The following TRIM65 variants were observed in gnomAD, a reference collection of about 807,000 sequenced individuals.
The protein encoded by TRIM65 is tripartite motif containing 65, also known as E3 ubiquitin-protein ligase TRIM65.
Under a neutral mutation model 36.1 loss-of-function variants are expected in TRIM65, and 46 were observed. That is an observed-to-expected ratio of 1.27 (90% CI 1.01 to 1.63). The LOEUF (loss-of-function observed/expected upper bound fraction) is 1.63. Among genes scored for constraint, TRIM65 ranks in the 40% most tolerant of loss-of-function variants. The probability of loss-of-function intolerance (pLI) is 0.00; values close to 1 mark genes in which losing one functional copy is unlikely to be tolerated. For synonymous variants in TRIM65, 346 were observed against 313.6 expected (o/e 1.10, Z -1.09); for missense variants, 708 against 696.6 (o/e 1.02, Z -0.18).
At chr17:75,895,606 C>T (rs2065334810) in intron 1 of TRIM65, among the ~76,000 whole-genome samples, 1 of 152,212 alleles carries the variant, frequency 6.6e-6, no homozygotes, top group Admixed American at 6.5e-5. Flanking sequence ...CCAGGTCTTT[C>T]TCCTGGCTTG....
chr17:75,880,000 C>A (rs1346621664), downstream of TRIM65, among the ~76,000 whole-genome samples: 4 of 150,558 alleles, frequency 2.7e-5, no homozygotes, highest in Admixed American at 2.6e-4. Context: ...GTGATCCACC[C>A]GCCTCGGCCT....
Position 75,892,750 on chromosome 17 carries a change from C to G in TRIM65, c.510+5G>C. ...ATGGTGGGCGGGCAGGCACAGGCCT[C>G]GTACCTGGATCTGGCTGCTTTGCTT... On this transcript the variant is annotated splice_donor_5th_base_variant and intron_variant, in intron 2 of 5. Coordinates refer to ENST00000269383, the MANE Select transcript of TRIM65 (RefSeq NM_173547.4). 3 of 1,602,368 alleles carry G rather than the reference C, an allele frequency of 1.9e-6. No homozygotes were observed. The South Asian group carries it at 3.3e-5, about 18-fold the overall frequency.
intron 1 of TRIM65, 22 bp from the exon 2 acceptor site, chr17:75,892,872 C>G (rs1262257848): frequency 1.9e-6 from 3 of 1,595,562 alleles, no homozygotes; most frequent in African/African-American, 2.7e-5. Flanking sequence ...GCCCACGGGA[C>G]AAGCAACAAG....
chr17:75,892,874 A>G, intron 1 of TRIM65, 24 bp from the exon 2 acceptor site: 1 of 1,594,474 alleles, frequency 6.3e-7, no homozygotes, highest in Non-Finnish European at 8.5e-7. Context: ...CCACGGGACA[A>G]GCAACAAGAG....
intron 1 of TRIM65, 50 bp downstream of exon 1, chr17:75,896,474 G>A: frequency 7.8e-7 from 1 of 1,287,630 alleles, no homozygotes; most frequent in Non-Finnish European, 9.9e-7. Flanking sequence ...CCCGGCGGTG[G>A]CCAGGCTGCG....
Position 75,890,975 on chromosome 17 carries a change from A to T in TRIM65, c.1358T>A (p.Met453Lys). 1 of 1,568,848 alleles carries T rather than the reference A, an allele frequency of 6.4e-7. No homozygotes were observed. The highest frequency in any genetic ancestry group is 8.6e-7 in the Non-Finnish European group (1 of 1,157,242). The change falls in exon 6 of 6, where the codon ATG becomes AAG. Residue 453 changes from methionine (M) to lysine (K), a missense_variant. Transcript: ENST00000269383. ...LPGVSGRLLGMDLDLASGCLT... is the reference protein window; with the variant it reads ...LPGVSGRLLGKDLDLASGCLT... Reference sequence around the variant, plus strand: ...GCAGCCTGAGGCCAGGTCCAAATCCATGCCCAGGAGCCGCCCTGACACCCC... The same window carrying T: ...GCAGCCTGAGGCCAGGTCCAAATCCTTGCCCAGGAGCCGCCCTGACACCCC...
At chr17:75,881,311 T>C (rs1349146217) in intron 4 of TRIM65, among the ~76,000 whole-genome samples, 1 of 149,184 alleles carries the variant, frequency 6.7e-6, no homozygotes, top group East Asian at 1.9e-4. Context: ...GGGAGGGAGC[T>C]GGCTCTCCAG....
At position 75,896,679 on chromosome 17, in the gene TRIM65, G is replaced by T; in HGVS notation, c.259C>A (p.Pro87Thr). The change falls in exon 1 of 6, where the codon CCC (proline) becomes ACC (threonine). Residue 87 changes from proline to threonine, a missense_variant. Coordinates refer to ENST00000269383, the MANE Select transcript of TRIM65 (RefSeq NM_173547.4). ...PARDPGPDPG[P>T]GPDPAARCPR... ...CAGCGCGCGGCAGGGTCGGGGCCGG[G>T]GCCGGGATCGGGGCCGGGATCCCGG... 3.9e-6 allele frequency: 5 copies of T among 1,291,672 alleles called. No homozygotes were observed. The highest frequency in any genetic ancestry group is 4.9e-6 in the Non-Finnish European group (5 of 1,025,952). The allele number at this position is 1,291,672 out of a possible 1,614,324, so 80.0% of individuals were successfully genotyped here. A position where few individuals can be genotyped will look rare whatever the true frequency, so the allele number is the denominator to read the frequency against.
At position 75,896,668 on chromosome 17, in the gene TRIM65, G is replaced by A. The variant is rs987079857; in HGVS notation, c.270C>T (p.Asp90=). The part of the protein sequence containing the change: ...DPGPDPGPGP[D]PAARCPRHGR... ...CGTGGCGGGGGCAGCGCGCGGCAGG[G>A]TCGGGGCCGGGGCCGGGATCGGGGC... Residue 90 remains aspartate (D), a synonymous_variant, in exon 1 of 6, where the codon GAC becomes GAT. Transcript: ENST00000269383. 1.6e-6 allele frequency: 2 copies of A among 1,277,788 alleles called. No individual in the cohort carries two copies. The highest frequency in any genetic ancestry group is 2.0e-6 in the Non-Finnish European group (2 of 1,017,768). 79.2% of individuals were successfully genotyped at this position (1,277,788 alleles called of 1,614,324 possible). A position where few individuals can be genotyped will look rare whatever the true frequency, so the allele number is the denominator to read the frequency against.
Position 75,892,051 on chromosome 17 carries a change from G to A in TRIM65, c.879C>T (p.His293=). ...CCACAGGCTTGGCTGGTGCCCCAGG[G>A]TGGCTCCCCTCTTCCAAGAGGAGGC... ...LCGLLLEEGS[H]PGAPAKPVDL... is the part of the protein sequence containing the mutation. The change falls in exon 4 of 6, where the codon CAC becomes CAT. Residue 293 remains histidine, a synonymous_variant. Transcript: ENST00000269383. 3 of 1,551,710 alleles carry A rather than the reference G, an allele frequency of 1.9e-6. No homozygotes were observed. The highest frequency in any genetic ancestry group is 2.6e-6 in the Non-Finnish European group (3 of 1,147,082).
intron 2 of TRIM65, 75 bp downstream of exon 2, chr17:75,892,680 T>C: frequency 7.0e-7 from 1 of 1,431,816 alleles, no homozygotes; most frequent in Admixed American, 1.9e-5. Context: ...CTGCCTGGTG[T>C]TCCAGGGACC....
At chr17:75,884,866 T>C (rs1158456783), downstream of TRIM65, among the ~76,000 whole-genome samples, 2 of 152,118 alleles carry the variant, frequency 1.3e-5, no homozygotes, top group African/African-American at 2.4e-5. Context: ...CCTGGGCTCA[T>C]GTAATCCGCC....
At chr17:75,892,583 G>T in intron 2 of TRIM65, 83 bp from the exon 3 acceptor site, 1 of 1,379,722 alleles carries the variant, frequency 7.2e-7, no homozygotes, top group East Asian at 2.3e-5. Flanking sequence ...TGCCTGCTGG[G>T]CTGAGGGTCA....
downstream of TRIM65, among the ~76,000 whole-genome samples, chr17:75,887,154 T>TAA (rs5822108): frequency 0.021 from 2,137 of 101,682 alleles, 55 homozygotes; most frequent in African/African-American, 0.075. Flanking sequence ...CCCCATCTCT[T>TAA]AAAAAAAAAA....
At chr17:75,885,250 A>G (rs1567839518), downstream of TRIM65, among the ~76,000 whole-genome samples, 1 of 152,076 alleles carries the variant, frequency 6.6e-6, no homozygotes, top group South Asian at 2.1e-4. Context: ...TTAACTCAAG[A>G]CATTGCTAAG....
Position 75,896,646 on chromosome 17 carries a change from G to A in TRIM65, c.292C>T (p.His98Tyr). The A allele has an allele frequency of 1.6e-6, 2 of 1,241,650 alleles. No homozygotes were observed. Among genetic ancestry groups the A allele is most frequent in the Non-Finnish European group, 2.0e-6 (2 of 996,840 alleles). 76.9% of individuals were successfully genotyped at this position (1,241,650 alleles called of 1,614,324 possible). Reference sequence around the variant, plus strand: ...CAGAAGAGCTCCAGCGGCCGCCCGTGGCGGGGGCAGCGCGCGGCAGGGTCG... The same window carrying A: ...CAGAAGAGCTCCAGCGGCCGCCCGTAGCGGGGGCAGCGCGCGGCAGGGTCG... ...GPDPAARCPR[H>Y]GRPLELFCRT... Residue 98 changes from histidine to tyrosine, a missense_variant, in exon 1 of 6, where the codon CAC becomes TAC. Coordinates refer to ENST00000269383, the MANE Select transcript of TRIM65 (RefSeq NM_173547.4).
At chr17:75,895,947 C>T (rs2065340104) in intron 1 of TRIM65, among the ~76,000 whole-genome samples, 1 of 152,248 alleles carries the variant, frequency 6.6e-6, no homozygotes, top group Non-Finnish European at 1.5e-5. Context: ...GGAGCTGCTG[C>T]CTCACGCCCA....
chr17:75,886,666 G>A (rs1212864128), downstream of TRIM65, among the ~76,000 whole-genome samples: 1 of 152,024 alleles, frequency 6.6e-6, no homozygotes, highest in African/African-American at 2.4e-5. Flanking sequence ...GGCCTGTGAG[G>A]TCCCTGTCTT....
intron 4 of TRIM65, among the ~76,000 whole-genome samples, chr17:75,881,745 A>T (rs1316246400): frequency 6.6e-6 from 1 of 150,562 alleles, no homozygotes; most frequent in African/African-American, 2.5e-5. Context: ...AGGCTGGGGA[A>T]CTGTGGAAGT....
Sources: gnomAD v4.1 joint callset for allele counts (sites outside exome capture counted in the v4.1 genomes callset) on GRCh38, gnomAD v4.1.1 for gene constraint, MANE v1.5 for transcripts, NCBI Gene and HGNC (gene_info 2026-07-23, HGNC 2026-07-21) for gene names.